The following CDC25C variants were observed in gnomAD, a reference collection of about 807,000 sequenced individuals.
The protein encoded by CDC25C is M-phase inducer phosphatase 3.
Under a neutral mutation model 52.5 loss-of-function variants are expected in CDC25C, and 48 were observed. That is an observed-to-expected ratio of 0.91 (90% CI 0.72 to 1.16). The LOEUF (loss-of-function observed/expected upper bound fraction) is 1.16. Ranked by LOEUF, CDC25C falls within the 50% of genes most tolerant of loss-of-function variation. CDC25C has a pLI of 0.00. For synonymous variants in CDC25C, 187 were observed against 206.5 expected (o/e 0.91, Z 0.81); for missense variants, 510 against 566.1 (o/e 0.90, Z 1.01).
intron 7 of CDC25C, among the ~76,000 whole-genome samples, chr5:138,299,689 C>T (rs1242303813): frequency 6.6e-6 from 1 of 150,724 alleles, no homozygotes; most frequent in Non-Finnish European, 1.5e-5. Context: ...GCTATAAATG[C>T]CTAAAATAAA....
rs1405677966 is a variant in CDC25C, at chr5:138,304,310, A to AGGCAT, written c.616-12199_616-12195dup. On this transcript the variant is annotated intron_variant, in intron 7 of 13. Transcript: ENST00000323760. ...CAGCCTCCTGAGTAGCTGGGACTAC[A>AGGCAT]GGCATACACACCATGCCTGGCTTTT... Among the ~76,000 whole-genome samples the AGGCAT allele has an allele frequency of 6.8e-5, 10 of 146,086 alleles. No homozygotes were observed. In the East Asian group the frequency reaches 2.0e-3, roughly 29 times the overall value.
intron 10 of CDC25C, 134 bp downstream of exon 10, chr5:138,289,367 T>C (rs1756521964): frequency 1.7e-5 from 11 of 638,788 alleles, no homozygotes; most frequent in Non-Finnish European, 3.1e-5. Context: ...TCCTTCAATA[T>C]AACTTCAGTT....
Position 138,285,751 on chromosome 5 carries a change from C to T in CDC25C, c.1363G>A (p.Glu455Lys). Reference protein sequence around the residue: ...LRCRSQSKVQEGERQLREQIA... With the variant: ...LRCRSQSKVQKGERQLREQIA... ...TGCTCCCGCAGCTGCCGCTCCCCTTCCTGCACTTTGCTCTGGCTTCGACAC... is the reference window on the plus strand; with the variant it reads ...TGCTCCCGCAGCTGCCGCTCCCCTTTCTGCACTTTGCTCTGGCTTCGACAC... Residue 455 changes from glutamate (E) to lysine (K), a missense_variant, in exon 14 of 14, where the codon GAA (glutamate) becomes AAA (lysine). Physicochemically the swap from Glu to Lys is moderately conservative, Grantham distance 56 (BLOSUM62 1). Coordinates refer to ENST00000323760, the MANE Select transcript of CDC25C (RefSeq NM_001790.5). 6.2e-7 allele frequency: 1 copy of T among 1,614,238 alleles called. No homozygotes were observed. Among genetic ancestry groups the T allele is most frequent in the South Asian group, 1.1e-5 (1 of 91,090 alleles).
upstream of CDC25C, among the ~76,000 whole-genome samples, chr5:138,336,353 G>A (rs574611005): frequency 1.3e-5 from 2 of 152,014 alleles, no homozygotes; most frequent in Admixed American, 6.5e-5. Context: ...GGCTGGTCTC[G>A]AACTCCTGAC....
At chr5:138,331,372 C>A (rs1340467204) in intron 1 of CDC25C, among the ~76,000 whole-genome samples, 154 bp from the exon 2 acceptor site, 1 of 152,196 alleles carries the variant, frequency 6.6e-6, no homozygotes, top group Non-Finnish European at 1.5e-5. Flanking sequence ...CTGAATTCAC[C>A]GACGAGAGGC....
chr5:138,331,181 G>A lies in CDC25C; in HGVS notation c.-1C>T, dbSNP rs1425710360. ...TGGATGAGAAGAGTTCCGTAGACATGGTCTTCGAATTCTCACCAGGAGAAA... is the reference window on the plus strand; with the variant it reads ...TGGATGAGAAGAGTTCCGTAGACATAGTCTTCGAATTCTCACCAGGAGAAA... On this transcript the variant is annotated 5_prime_UTR_variant, in exon 2 of 14. Transcript: ENST00000323760. 3 of 1,613,718 alleles carry A rather than the reference G, an allele frequency of 1.9e-6. No individual in the cohort carries two copies. The highest frequency in any genetic ancestry group is 2.7e-5 in the African/African-American group (2 of 74,906).
rs1760399140 is a variant in CDC25C at position 138,331,715 on chromosome 5, T to C, written c.-159A>G. 1 of 989,700 alleles carries C rather than the reference T, an allele frequency of 1.0e-6. No individual in the cohort carries two copies. The highest frequency in any genetic ancestry group is 1.2e-6 in the Non-Finnish European group (1 of 832,398). The allele number at this position is 989,700 out of a possible 1,614,324, so 61.3% of individuals were successfully genotyped here. On this transcript the variant is annotated 5_prime_UTR_variant, in exon 1 of 14. Transcript: ENST00000323760. ...GGGGAAAGGAGGTAGTTAACTAGATTGCAGCTCTGCCTTCCGACTGGGTAG... is the reference window on the plus strand; with the variant it reads ...GGGGAAAGGAGGTAGTTAACTAGATCGCAGCTCTGCCTTCCGACTGGGTAG...
chr5:138,292,496 A>C (rs1011548429), intron 7 of CDC25C, among the ~76,000 whole-genome samples: 4 of 151,736 alleles, frequency 2.6e-5, no homozygotes, highest in Non-Finnish European at 4.4e-5. Flanking sequence ...AAAAAAAAAA[A>C]AAAAAAACAT....
chr5:138,331,835 C>G (rs1760417763), upstream of CDC25C: 18 of 973,240 alleles, frequency 1.8e-5, no homozygotes, highest in Non-Finnish European at 1.8e-5. Flanking sequence ...ACCATTCAAA[C>G]CTTCCGCCAG....
intron 7 of CDC25C, among the ~76,000 whole-genome samples, chr5:138,317,807 T>C (rs1161866453): frequency 1.3e-5 from 2 of 150,882 alleles, no homozygotes; most frequent in Non-Finnish European, 2.9e-5. Context: ...TATCTATCAG[T>C]GATATGGGAA....
At chr5:138,325,607 A>G (rs900866976) in intron 6 of CDC25C, among the ~76,000 whole-genome samples, 2 of 152,180 alleles carry the variant, frequency 1.3e-5, no homozygotes, top group Non-Finnish European at 2.9e-5. Flanking sequence ...ATGATGACCT[A>G]CTGTGGAAGA....
chr5:138,331,352 AG>A (rs764058887), intron 1 of CDC25C, 134 bp from the exon 2 acceptor site: 33 of 723,918 alleles, frequency 4.6e-5, no homozygotes, highest in Non-Finnish European at 6.9e-5. Context: ...GCCTGGCTTA[AG>A]GTTAGAACCT....
Position 138,305,684 on chromosome 5 carries a change from A to G in CDC25C, c.615+13535T>C, listed in dbSNP as rs191001711. ...CCAAAATGTTGGGATTACAAGTGTG[A>G]GCCACCACACCCAGCCCAAAATCTA... On this transcript the variant is annotated intron_variant, in intron 7 of 13. Coordinates refer to ENST00000323760, the MANE Select transcript of CDC25C (RefSeq NM_001790.5). 5.5e-4 allele frequency among the ~76,000 whole-genome samples: 84 copies of G among 152,304 alleles called. 4 individuals are homozygous for G. In the East Asian group the frequency reaches 0.015, roughly 28 times the overall value.
upstream of CDC25C, among the ~76,000 whole-genome samples, chr5:138,335,674 T>C (rs1004029609): frequency 6.6e-5 from 10 of 152,114 alleles, no homozygotes; most frequent in African/African-American, 2.4e-4. Context: ...TAATTATGGG[T>C]AGGAGTGTTG....
At chr5:138,303,340 G>A (rs1757772104) in intron 7 of CDC25C, among the ~76,000 whole-genome samples, 1 of 152,120 alleles carries the variant, frequency 6.6e-6, no homozygotes, top group African/African-American at 2.4e-5. Flanking sequence ...TAATATAGGA[G>A]TGGGGAAATA....
At chr5:138,298,268 TG>T (rs1013653809) in intron 7 of CDC25C, among the ~76,000 whole-genome samples, 8 of 151,806 alleles carry the variant, frequency 5.3e-5, no homozygotes, top group African/African-American at 1.9e-4. Flanking sequence ...CCCAAAGTGC[TG>T]GGATTACAGA....
At chr5:138,303,566 C>T (rs370650372) in intron 7 of CDC25C, among the ~76,000 whole-genome samples, 19 of 152,278 alleles carry the variant, frequency 1.2e-4, no homozygotes, top group African/African-American at 4.6e-4. Context: ...ATTGCACTTG[C>T]TTTGCCTTCT....
chr5:138,316,804 G>A (rs1243179059), intron 7 of CDC25C, among the ~76,000 whole-genome samples: 3 of 152,122 alleles, frequency 2.0e-5, no homozygotes, highest in Non-Finnish European at 4.4e-5. Flanking sequence ...CCTCTCTGCT[G>A]AGAGCTGAAT....
At chr5:138,325,929 C>T (rs766344366) in intron 5 of CDC25C, 25 bp from the exon 6 acceptor site, 37 of 1,610,304 alleles carry the variant, frequency 2.3e-5, no homozygotes, top group Middle Eastern at 1.6e-4. Context: ...TTGCTGAGAA[C>T]GTCCAGCATC....
Sources: gnomAD v4.1 joint callset for allele counts (sites outside exome capture counted in the v4.1 genomes callset) on GRCh38, gnomAD v4.1.1 for gene constraint, MANE v1.5 for transcripts, NCBI Gene and HGNC (gene_info 2026-07-23, HGNC 2026-07-21) for gene names.